The following ZMAT4 variants were observed in gnomAD, a reference collection of about 807,000 sequenced individuals.
The protein encoded by ZMAT4 is zinc finger matrin-type protein 4.
In ZMAT4, 17 loss-of-function variants were observed where a neutral mutation model predicts 28.7. That is an observed-to-expected ratio of 0.59 (90% confidence interval 0.41 to 0.89). ZMAT4 has a LOEUF of 0.89. ZMAT4 is among the 40% of genes least tolerant of loss of function. ZMAT4 has a pLI of 0.00. For synonymous variants in ZMAT4, 117 were observed against 109.2 expected (o/e 1.07, Z -0.44); for missense variants, 240 against 283.8 (o/e 0.85, Z 1.11).
intron 1 of ZMAT4, among the ~76,000 whole-genome samples, chr8:40,876,428 T>C (rs1426016528): frequency 6.6e-6 from 1 of 152,138 alleles, no homozygotes; most frequent in Non-Finnish European, 1.5e-5. Flanking sequence ...TCCTCCTACC[T>C]CAGCTTCCCC....
intron 3 of ZMAT4, among the ~76,000 whole-genome samples, chr8:40,731,765 C>T (rs779353855): frequency 6.6e-6 from 1 of 152,168 alleles, no homozygotes; most frequent in Non-Finnish European, 1.5e-5. Context: ...TAGAGATATT[C>T]GCACACACAC....
chr8:40,644,352 C>T (rs754816776), intron 5 of ZMAT4, among the ~76,000 whole-genome samples: 1 of 151,952 alleles, frequency 6.6e-6, no homozygotes, highest in Non-Finnish European at 1.5e-5. Flanking sequence ...ACAAAATGAG[C>T]CTTGAGCATC....
intron 3 of ZMAT4, among the ~76,000 whole-genome samples, chr8:40,731,422 C>CAGAGAGAG (rs113359234): frequency 6.6e-6 from 1 of 150,904 alleles, no homozygotes; most frequent in Non-Finnish European, 1.5e-5. Context: ...AATGATCAGA[C>CAGAGAGAG]AGAGAGAGAG....
At chr8:40,764,264 GAA>G (rs10565040) in intron 3 of ZMAT4, among the ~76,000 whole-genome samples, 24,097 of 151,728 alleles carry the variant, frequency 0.16, 3,030 homozygotes, top group East Asian at 0.6. Context: ...CTTCCAGGGG[GAA>G]AAAAAATGTA....
intron 3 of ZMAT4, among the ~76,000 whole-genome samples, chr8:40,723,647 C>A (rs934751322): frequency 6.6e-6 from 1 of 150,722 alleles, no homozygotes; most frequent in African/African-American, 2.4e-5. Flanking sequence ...TTGGTGGAAT[C>A]TAACCAGATT....
intron 3 of ZMAT4, among the ~76,000 whole-genome samples, chr8:40,758,027 C>T (rs1248105041): frequency 6.6e-6 from 1 of 152,156 alleles, no homozygotes; most frequent in Non-Finnish European, 1.5e-5. Context: ...ACTCCTGGAC[C>T]TTCGACCACA....
At position 40,737,630 on chromosome 8, in the gene ZMAT4, C is replaced by G. The variant is rs148322886; in HGVS notation, c.192+30011G>C. Among the ~76,000 whole-genome samples, 34 of 152,082 alleles carry G rather than the reference C, an allele frequency of 2.2e-4. 1 individual carries two copies. Among genetic ancestry groups the G allele is most frequent in the Non-Finnish European group, 4.6e-4 (31 of 68,030 alleles). On this transcript the variant is annotated intron_variant, in intron 3 of 6. Coordinates refer to ENST00000297737, the MANE Select transcript of ZMAT4 (RefSeq NM_024645.3). ...CCTTGGCCAATGTTTCAGAGGTGCC[C>G]GTAGCCATGTGAGCGGGACGTAAAT...
chr8:40,594,491 T>A (rs1217538924), intron 5 of ZMAT4, among the ~76,000 whole-genome samples: 1 of 152,210 alleles, frequency 6.6e-6, no homozygotes, highest in Non-Finnish European at 1.5e-5. Context: ...CCTTTTTCAT[T>A]CTATATGTGT....
chr8:40,864,482 T>G (rs1434747368), intron 1 of ZMAT4, among the ~76,000 whole-genome samples: 1 of 151,948 alleles, frequency 6.6e-6, no homozygotes, highest in African/African-American at 2.4e-5. Context: ...CCTATGTAGG[T>G]GGGAAAAGAT....
chr8:40,891,874 C>A (rs1331655077), intron 1 of ZMAT4, among the ~76,000 whole-genome samples: 1 of 152,206 alleles, frequency 6.6e-6, no homozygotes, highest in East Asian at 1.9e-4. Flanking sequence ...CTTCTCAGGG[C>A]TACACACAGA....
chr8:40,812,197 T>C (rs553782264), intron 2 of ZMAT4, among the ~76,000 whole-genome samples: 1 of 151,790 alleles, frequency 6.6e-6, no homozygotes, highest in South Asian at 2.1e-4. Flanking sequence ...TCCCAAAGAG[T>C]ACACAATGGA....
intron 2 of ZMAT4, among the ~76,000 whole-genome samples, chr8:40,773,448 T>C (rs1184912105): frequency 6.6e-6 from 1 of 151,798 alleles, no homozygotes; most frequent in African/African-American, 2.4e-5. Flanking sequence ...CAATCACACA[T>C]AGCAGGGAAA....
chr8:40,867,932 TA>T (rs556642704), intron 1 of ZMAT4, among the ~76,000 whole-genome samples: 294 of 145,716 alleles, frequency 2.0e-3, no homozygotes, highest in Middle Eastern at 0.014. Flanking sequence ...AAATAAAATA[TA>T]AAAAAAAAAA....
chr8:40,859,855 A>C (rs1010298337), intron 1 of ZMAT4, among the ~76,000 whole-genome samples: 1 of 152,228 alleles, frequency 6.6e-6, no homozygotes, highest in African/African-American at 2.4e-5. Context: ...TGAGATCAGA[A>C]GAGCAATTTC....
intron 4 of ZMAT4, among the ~76,000 whole-genome samples, chr8:40,695,947 T>G (rs560552870): frequency 6.6e-6 from 1 of 152,314 alleles, no homozygotes; most frequent in African/African-American, 2.4e-5. Flanking sequence ...TATTAATTCA[T>G]GGAAAACAGG....
intron 3 of ZMAT4, 116 bp from the exon 4 acceptor site, chr8:40,697,517 G>GTCTT: frequency 9.2e-6 from 9 of 982,144 alleles, no homozygotes; most frequent in Middle Eastern, 3.6e-4. Context: ...TCTGCAAGCT[G>GTCTT]TCTCTCTCTC....
intron 5 of ZMAT4, among the ~76,000 whole-genome samples, chr8:40,583,403 A>G (rs750606976): frequency 2.9e-4 from 44 of 152,244 alleles, no homozygotes; most frequent in Non-Finnish European, 5.6e-4. Flanking sequence ...CTTAGATACT[A>G]CCCAAAAGGG....
chr8:40,829,553 A>G (rs1047934030), intron 1 of ZMAT4, among the ~76,000 whole-genome samples: 3 of 152,186 alleles, frequency 2.0e-5, no homozygotes, highest in Non-Finnish European at 2.9e-5. Context: ...TATTGATTCT[A>G]TAATGGTTTG....
intron 6 of ZMAT4, among the ~76,000 whole-genome samples, chr8:40,550,035 T>G (rs534012130): frequency 2.0e-5 from 3 of 152,246 alleles, no homozygotes; most frequent in African/African-American, 7.2e-5. Flanking sequence ...GCCTGGAGTA[T>G]CAACTCAGGG....
Sources: gnomAD v4.1 joint callset for allele counts (sites outside exome capture counted in the v4.1 genomes callset) on GRCh38, gnomAD v4.1.1 for gene constraint, MANE v1.5 for transcripts, NCBI Gene and HGNC (gene_info 2026-07-23, HGNC 2026-07-21) for gene names.